EPM2A: variants seen among roughly 807,000 people sequenced by gnomAD.
EPM2A encodes the protein EPM2A glucan phosphatase, laforin, also known as laforin.
Under a neutral mutation model 26.5 loss-of-function variants are expected in EPM2A, and 21 were observed. The ratio of observed to expected loss-of-function variants is 0.79; its 90% CI spans 0.56 to 1.14. EPM2A has a LOEUF of 1.14. EPM2A is among the 50% of genes most tolerant of loss of function. EPM2A has a pLI of 0.00. For missense variants in EPM2A, 458 were observed against 440.8 expected, an observed-to-expected ratio of 1.04 and a Z score of -0.35; for synonymous variants, 217 against 177.6, an observed-to-expected ratio of 1.22 and a Z score of -1.76.
intron 2 of EPM2A, among the ~76,000 whole-genome samples, chr6:145,554,146 T>C (rs1313786009): frequency 6.6e-6 from 1 of 151,942 alleles, no homozygotes; most frequent in Non-Finnish European, 1.5e-5. Flanking sequence ...CAAAAGTTCT[T>C]GCCCTCTTGA....
chr6:145,523,156 C>A (rs1209484751), intron 2 of EPM2A, among the ~76,000 whole-genome samples: 1 of 152,094 alleles, frequency 6.6e-6, no homozygotes, highest in Non-Finnish European at 1.5e-5. Context: ...TTCAGTTGAA[C>A]TTTCTATAGT....
At chr6:145,439,899 A>G (rs773695731) in intron 4 of EPM2A, among the ~76,000 whole-genome samples, 1 of 152,192 alleles carries the variant, frequency 6.6e-6, no homozygotes, top group South Asian at 2.1e-4. Flanking sequence ...GCCAGTTCCA[A>G]TGTCCAAAAT....
intron 1 of EPM2A, among the ~76,000 whole-genome samples, chr6:145,733,445 A>G (rs1776613323): frequency 2.6e-5 from 4 of 152,136 alleles, no homozygotes; most frequent in Admixed American, 2.6e-4. Context: ...AAAATTATAT[A>G]TAACTTATAT....
At chr6:145,668,802 C>A (rs1779431341) in intron 2 of EPM2A, among the ~76,000 whole-genome samples, 1 of 152,180 alleles carries the variant, frequency 6.6e-6, no homozygotes, top group Non-Finnish European at 1.5e-5. Flanking sequence ...GTTTTACTTG[C>A]CCAGTATATT....
At chr6:145,460,684 G>A (rs1434827195) in intron 4 of EPM2A, among the ~76,000 whole-genome samples, 3 of 152,106 alleles carry the variant, frequency 2.0e-5, no homozygotes, top group Non-Finnish European at 4.4e-5. Flanking sequence ...GAGCATCAGT[G>A]TTAGTGAGCA....
At chr6:145,426,695 C>T (rs1385157808) in intron 4 of EPM2A, among the ~76,000 whole-genome samples, 1 of 152,084 alleles carries the variant, frequency 6.6e-6, no homozygotes, top group Non-Finnish European at 1.5e-5. Context: ...AAGCATAAAA[C>T]TGTAAAACTC....
At chr6:145,518,657 G>A (rs409121) in intron 2 of EPM2A, among the ~76,000 whole-genome samples, 66,597 of 147,514 alleles carry the variant, frequency 0.45, 14,920 homozygotes, top group South Asian at 0.59. Context: ...TCTACTAATC[G>A]CTTTTTGTGA....
At chr6:145,648,243 T>G (rs939372583) in intron 2 of EPM2A, among the ~76,000 whole-genome samples, 7 of 152,202 alleles carry the variant, frequency 4.6e-5, no homozygotes, top group Non-Finnish European at 1.0e-4. Flanking sequence ...TCTCTTGCAT[T>G]ATGACAGCCA....
chr6:145,533,643 C>T (rs1389673590), intron 2 of EPM2A, among the ~76,000 whole-genome samples: 3 of 152,008 alleles, frequency 2.0e-5, no homozygotes, highest in South Asian at 2.1e-4. Context: ...TGCAGTACTC[C>T]ACCCTCAACC....
At chr6:145,425,786 C>T (rs980852477) in intron 4 of EPM2A, among the ~76,000 whole-genome samples, 1 of 152,156 alleles carries the variant, frequency 6.6e-6, no homozygotes, top group Non-Finnish European at 1.5e-5. Flanking sequence ...TGTAAGGTAG[C>T]ACTGTGTGAT....
chr6:145,709,355 A>AG (rs911800404), intron 1 of EPM2A, among the ~76,000 whole-genome samples: 2 of 152,140 alleles, frequency 1.3e-5, no homozygotes, highest in Admixed American at 1.3e-4. Context: ...ATCTCATGGG[A>AG]GGGACCCAGT....
chr6:145,476,012 A>G (rs1779538574), intron 4 of EPM2A, among the ~76,000 whole-genome samples: 1 of 152,030 alleles, frequency 6.6e-6, no homozygotes, highest in African/African-American at 2.4e-5. Context: ...AACAAGAGCC[A>G]TTGATACAAG....
intron 4 of EPM2A, among the ~76,000 whole-genome samples, chr6:145,392,688 T>G (rs552456913): frequency 5.3e-5 from 8 of 152,238 alleles, no homozygotes; most frequent in African/African-American, 1.9e-4. Context: ...ACAGACTCAG[T>G]TGAATTTGAA....
chr6:145,549,947 T>G (rs1780631862), intron 2 of EPM2A, among the ~76,000 whole-genome samples: 1 of 152,100 alleles, frequency 6.6e-6, no homozygotes, highest in African/African-American at 2.4e-5. Context: ...CAAGAGCAGA[T>G]GGGGTAGGAA....
intron 2 of EPM2A, among the ~76,000 whole-genome samples, chr6:145,568,579 T>A (rs918837069): frequency 2.0e-5 from 3 of 152,106 alleles, no homozygotes; most frequent in Non-Finnish European, 2.9e-5. Context: ...TGCCTTAGCC[T>A]CCCAAAGTGC....
At chr6:145,667,607 G>A (rs1309022976) in intron 2 of EPM2A, among the ~76,000 whole-genome samples, 5 of 151,124 alleles carry the variant, frequency 3.3e-5, no homozygotes, top group Middle Eastern at 3.2e-3. Context: ...TCAGTGTGGC[G>A]ATTCCTCAGG....
At chr6:145,508,847 A>G (rs566641677) in intron 2 of EPM2A, among the ~76,000 whole-genome samples, 1 of 152,362 alleles carries the variant, frequency 6.6e-6, no homozygotes, top group South Asian at 2.1e-4. Context: ...CAAACAAGCC[A>G]GCAAAATGAT....
At chr6:145,557,606 T>C (rs1160423997) in intron 2 of EPM2A, among the ~76,000 whole-genome samples, 1 of 152,122 alleles carries the variant, frequency 6.6e-6, no homozygotes, top group African/African-American at 2.4e-5. Context: ...CATTTTATTT[T>C]TAAATTGACA....
chr6:145,617,873 G>A (rs781684588), intron 2 of EPM2A, among the ~76,000 whole-genome samples: 1 of 152,178 alleles, frequency 6.6e-6, no homozygotes, highest in African/African-American at 2.4e-5. Flanking sequence ...GCCCAGGAAG[G>A]TAGAGGCTGC....
Sources: allele counts gnomAD v4.1 joint callset (sites outside exome capture counted in the v4.1 genomes callset), GRCh38; gene constraint gnomAD v4.1.1; transcripts MANE v1.5; gene names NCBI Gene and HGNC (gene_info 2026-07-23, HGNC 2026-07-21).